SGMS2: variants seen among roughly 807,000 people sequenced by gnomAD.
SGMS2 encodes the protein phosphatidylcholine:ceramide cholinephosphotransferase 2.
A neutral mutation model predicts 43.8 loss-of-function variants in SGMS2; 21 were observed. The observed-to-expected ratio is 0.48, with a 90% CI of 0.34 to 0.69. The LOEUF is 0.69. Ranked by LOEUF, SGMS2 falls within the 30% of genes least tolerant of loss-of-function variation. The pLI is 0.01. For missense variants in SGMS2, 384 were observed against 443.2 expected, an observed-to-expected ratio of 0.87 and a Z score of 1.20; for synonymous variants, 167 against 160.6, an observed-to-expected ratio of 1.04 and a Z score of -0.30.
intron 1 of SGMS2, among the ~76,000 whole-genome samples, chr4:107,845,578 G>A (rs536221038): frequency 6.6e-6 from 1 of 152,192 alleles, no homozygotes; most frequent in African/African-American, 2.4e-5. Context: ...GAGAAACCTG[G>A]CTTGTAGTGT....
chr4:107,910,266 A>G, intron 6 of SGMS2, 84 bp from the exon 7 acceptor site: 9 of 1,142,748 alleles, frequency 7.9e-6, no homozygotes, highest in Non-Finnish European at 1.2e-5. Context: ...TCCCTAGGTT[A>G]CAGTGAATGA....
rs535232310 is a variant in SGMS2 at position 107,907,736 on chromosome 4, T to C, written c.728-829T>C. On this transcript the variant is annotated intron_variant, in intron 5 of 6. Coordinates refer to ENST00000690982, the MANE Select transcript of SGMS2 (RefSeq NM_001375905.1). The stretch of plus-strand genomic sequence containing the variant: ...TAGTTAAATATGAAATCAATTTCAG[T>C]TTATTGGATTAACTTTTATTGTGAG... Among the ~76,000 whole-genome samples, 9 of 152,294 alleles carry C rather than the reference T, an allele frequency of 5.9e-5. No homozygotes were observed. The East Asian group carries it at 1.7e-3, about 29-fold the overall frequency.
intron 2 of SGMS2, among the ~76,000 whole-genome samples, chr4:107,859,802 A>G (rs529310817): frequency 6.6e-6 from 1 of 152,264 alleles, no homozygotes; most frequent in Admixed American, 6.5e-5. Flanking sequence ...GCAGATGGAC[A>G]CAAGCAGGAA....
chr4:107,849,016 C>T (rs777827720), intron 1 of SGMS2, among the ~76,000 whole-genome samples: 6 of 151,978 alleles, frequency 3.9e-5, no homozygotes, highest in African/African-American at 7.3e-5. Context: ...AAATTAGTAT[C>T]TAGATTCATT....
At chr4:107,850,937 T>G (rs1273055104) in intron 1 of SGMS2, among the ~76,000 whole-genome samples, 1 of 152,222 alleles carries the variant, frequency 6.6e-6, no homozygotes, top group East Asian at 1.9e-4. Context: ...TTTCACTTTC[T>G]TCTTCTCTTG....
chr4:107,884,464 T>C (rs1214010215), intron 2 of SGMS2, among the ~76,000 whole-genome samples: 1 of 150,762 alleles, frequency 6.6e-6, no homozygotes, highest in East Asian at 2.0e-4. Flanking sequence ...CAGAGACTTT[T>C]TCTTCTAAAA....
intron 2 of SGMS2, among the ~76,000 whole-genome samples, chr4:107,885,900 A>C (rs1578611844): frequency 6.6e-6 from 1 of 152,200 alleles, no homozygotes; most frequent in Admixed American, 6.6e-5. Flanking sequence ...CTCAAATTTT[A>C]ATAATTAAAA....
At chr4:107,831,356 C>T (rs965340662) in intron 1 of SGMS2, among the ~76,000 whole-genome samples, 16 of 152,146 alleles carry the variant, frequency 1.1e-4, no homozygotes, top group Non-Finnish European at 1.2e-4. Context: ...AGGCTTAGGC[C>T]GGCTTGGACC....
intron 2 of SGMS2, among the ~76,000 whole-genome samples, chr4:107,879,120 T>TC (rs1292002990): frequency 6.6e-6 from 1 of 151,928 alleles, no homozygotes; most frequent in Non-Finnish European, 1.5e-5. Context: ...TTTTTTTTTT[T>TC]TTTTAGTGAG....
rs112592260 is a variant in SGMS2, at chr4:107,839,347, G to A, written c.-327+14094G>A. ...TTCCCCCTGCTCCACCCCAACGGTA[G>A]TTATTTTGCTACCAGGGCTGTGTGG... On this transcript the variant is annotated intron_variant, in intron 1 of 6. Coordinates refer to ENST00000690982, the MANE Select transcript of SGMS2 (RefSeq NM_001375905.1). Among the ~76,000 whole-genome samples the A allele has an allele frequency of 4.5e-3, 689 of 151,918 alleles. 4 individuals are homozygous for A. The highest frequency in any genetic ancestry group is 0.016 in the African/African-American group (650 of 41,374).
intron 1 of SGMS2, among the ~76,000 whole-genome samples, chr4:107,837,446 A>G (rs74417539): frequency 0.04 from 6,163 of 152,198 alleles, 425 homozygotes; most frequent in African/African-American, 0.14. Context: ...TGGAGGGAAA[A>G]AGCGTGATTA....
In SGMS2 at chr4:107,886,343, G is replaced by A. The variant is rs528148573; in HGVS notation, c.-244-8967G>A. ...GCCTCCCAAGTAGCTGGGACTACAG[G>A]TGCACCACCACACCCAGCTAATTTT... On this transcript the variant is annotated intron_variant, in intron 2 of 6. Transcript: ENST00000690982. Among the ~76,000 whole-genome samples, 4 of 150,200 alleles carry A rather than the reference G, an allele frequency of 2.7e-5. No individual in the cohort carries two copies. In the South Asian group the frequency reaches 6.4e-4, roughly 24 times the overall value.
intron 2 of SGMS2, among the ~76,000 whole-genome samples, chr4:107,881,459 TA>T (rs1195511253): frequency 1.2e-4 from 18 of 151,796 alleles, no homozygotes; most frequent in African/African-American, 4.4e-4. Flanking sequence ...AATTTCTTTT[TA>T]TTTTTTTTTT....
At chr4:107,849,702 T>C (rs1172697549) in intron 1 of SGMS2, among the ~76,000 whole-genome samples, 1 of 152,176 alleles carries the variant, frequency 6.6e-6, no homozygotes, top group Non-Finnish European at 1.5e-5. Flanking sequence ...TAAAACCAGA[T>C]CTCCTAATTG....
At chr4:107,895,190 G>A (rs138268664) in intron 2 of SGMS2, 120 bp from the exon 3 acceptor site, 251 of 192,056 alleles carry the variant, frequency 1.3e-3, no homozygotes, top group African/African-American at 5.5e-3. Context: ...AGGTTCTGAC[G>A]TTACATTTAT....
chr4:107,911,542 G>C lies in SGMS2; in HGVS notation c.*989G>C, dbSNP rs1732124178. 6.6e-6 allele frequency: 1 copy of C among 152,196 alleles called. No homozygotes were observed. The highest frequency in any genetic ancestry group is 2.1e-4 in the South Asian group (1 of 4,832). 9.4% of individuals were successfully genotyped at this position (152,196 alleles called of 1,614,324 possible). A position where few individuals can be genotyped will look rare whatever the true frequency, so the allele number is the denominator to read the frequency against. ...ATGTATTTGGTCAAATTTCATTGAA[G>C]GTGATTTCTTCCTTTTTCTGTTGTA... On this transcript the variant is annotated 3_prime_UTR_variant, in exon 7 of 7. Transcript: ENST00000690982.
intron 1 of SGMS2, among the ~76,000 whole-genome samples, chr4:107,855,297 G>A (rs1343337042): frequency 6.6e-6 from 1 of 151,882 alleles, no homozygotes. Context: ...TATTTATTTG[G>A]AGTCTTTCTA....
chr4:107,881,166 C>G (rs774280333), intron 2 of SGMS2, among the ~76,000 whole-genome samples: 1 of 151,774 alleles, frequency 6.6e-6, no homozygotes, highest in African/African-American at 2.4e-5. Context: ...TGAAGAATTG[C>G]CTGTATTGCA....
At chr4:107,839,365 C>T (rs554276185) in intron 1 of SGMS2, among the ~76,000 whole-genome samples, 1 of 151,390 alleles carries the variant, frequency 6.6e-6, no homozygotes, top group Non-Finnish European at 1.5e-5. Context: ...GCTACCAGGG[C>T]TGTGTGGAAG....
Sources: allele counts gnomAD v4.1 joint callset (sites outside exome capture counted in the v4.1 genomes callset), GRCh38; gene constraint gnomAD v4.1.1; transcripts MANE v1.5; gene names NCBI Gene and HGNC (gene_info 2026-07-23, HGNC 2026-07-21).